Variants in ANKS1B observed in about 807,000 individuals in gnomAD.
ANKS1B encodes the protein ankyrin repeat and sterile alpha motif domain containing 1B.
In ANKS1B, 36 loss-of-function variants were observed where a neutral mutation model predicts 148.3. The observed-to-expected ratio is 0.24, with a 90% confidence interval of 0.19 to 0.32. ANKS1B has a LOEUF of 0.32. Ranked by LOEUF, ANKS1B falls within the 10% of genes least tolerant of loss-of-function variation. ANKS1B has a pLI of 1.00. For synonymous variants in ANKS1B, 542 were observed against 560.8 expected (o/e 0.97, Z 0.47); for missense variants, 1,157 against 1,542.6 (o/e 0.75, Z 4.19).
chr12:99,441,139 C>T (rs565107284), intron 11 of ANKS1B, among the ~76,000 whole-genome samples: 88 of 152,000 alleles, frequency 5.8e-4, no homozygotes, highest in African/African-American at 2.0e-3. Context: ...TAACTCCACA[C>T]TTTCTGCATT....
chr12:98,996,521 T>A (rs2153339062), intron 17 of ANKS1B, among the ~76,000 whole-genome samples: 1 of 152,056 alleles, frequency 6.6e-6, no homozygotes, highest in South Asian at 2.1e-4. Flanking sequence ...AAAGAAGGTA[T>A]TAAGAATTAC....
chr12:98,997,835 T>C (rs2099930632), intron 17 of ANKS1B, among the ~76,000 whole-genome samples: 1 of 152,234 alleles, frequency 6.6e-6, no homozygotes, highest in Non-Finnish European at 1.5e-5. Context: ...TCAATGTATG[T>C]AAATAATTAT....
intron 1 of ANKS1B, among the ~76,000 whole-genome samples, chr12:99,854,124 G>C (rs1389889934): frequency 6.6e-6 from 1 of 152,180 alleles, no homozygotes; most frequent in African/African-American, 2.4e-5. Flanking sequence ...CCATTCTCCT[G>C]CCTCAGCCTC....
chr12:99,680,335 G>A (rs1200564160), intron 8 of ANKS1B, among the ~76,000 whole-genome samples: 1 of 152,188 alleles, frequency 6.6e-6, no homozygotes, highest in Non-Finnish European at 1.5e-5. Flanking sequence ...CAGCTGGCTG[G>A]GAGGCTGAGG....
At chr12:99,265,850 C>T (rs2076395724) in intron 12 of ANKS1B, among the ~76,000 whole-genome samples, 1 of 152,118 alleles carries the variant, frequency 6.6e-6, no homozygotes, top group African/African-American at 2.4e-5. Flanking sequence ...CCAGTTACTA[C>T]CATGGAGAGT....
chr12:99,226,493 G>C lies in ANKS1B; in HGVS notation c.2419+17849C>G, dbSNP rs116166990. On this transcript the variant is annotated intron_variant, in intron 14 of 26. Coordinates refer to ENST00000683438, the MANE Select transcript of ANKS1B (RefSeq NM_001352186.2). ...AGAATTATATCAGAAGTTGACACAA[G>C]AATCAATGTGTATATTGTCTAGGGT... 4.0e-3 allele frequency among the ~76,000 whole-genome samples: 614 copies of C among 152,218 alleles called. 7 individuals are homozygous for C. Among genetic ancestry groups the C allele is most frequent in the African/African-American group, 0.014 (585 of 41,534 alleles).
chr12:99,773,207 A>T lies in ANKS1B; in HGVS notation c.962-119T>A. 7.8e-6 allele frequency: 6 copies of T among 771,194 alleles called. No individual in the cohort carries two copies. The South Asian group carries it at 1.3e-4, about 16-fold the overall frequency. 47.8% of individuals were successfully genotyped at this position (771,194 alleles called of 1,614,324 possible). ...CAAAATATAACAAGATTAAGCAGTCAGACACTATTCTGCTGAAAACAAGGT... is the reference window on the plus strand; with the variant it reads ...CAAAATATAACAAGATTAAGCAGTCTGACACTATTCTGCTGAAAACAAGGT... On this transcript the variant is annotated intron_variant, in intron 7 of 26. Transcript: ENST00000683438.
chr12:99,485,028 A>G (rs2096469394), intron 10 of ANKS1B, among the ~76,000 whole-genome samples: 1 of 151,740 alleles, frequency 6.6e-6, no homozygotes, highest in Non-Finnish European at 1.5e-5. Flanking sequence ...ATTCAACGTT[A>G]ATATTGAGAT....
chr12:99,033,772 T>C (rs1490252753), intron 17 of ANKS1B, among the ~76,000 whole-genome samples: 1 of 152,158 alleles, frequency 6.6e-6, no homozygotes, highest in Non-Finnish European at 1.5e-5. Context: ...AAAATAAGAC[T>C]CCTATGGTTG....
At chr12:99,648,657 C>T in intron 9 of ANKS1B, 1 of 1,614,164 alleles carries the variant, frequency 6.2e-7, no homozygotes. Flanking sequence ...CAAGTGAAGA[C>T]CTTTTTGTTC....
At chr12:99,387,631 G>A (rs145853658) in intron 12 of ANKS1B, among the ~76,000 whole-genome samples, 216 of 151,876 alleles carry the variant, frequency 1.4e-3, no homozygotes, top group African/African-American at 5.0e-3. Flanking sequence ...GAAGCCCAAG[G>A]GAGCTCCTTT....
intron 14 of ANKS1B, among the ~76,000 whole-genome samples, chr12:99,172,093 A>T (rs2077832966): frequency 6.6e-6 from 1 of 152,160 alleles, no homozygotes. Context: ...TTTTGAGGCA[A>T]AAAGAAGGAA....
chr12:99,594,706 C>A (rs755194839), intron 9 of ANKS1B, among the ~76,000 whole-genome samples: 9 of 151,810 alleles, frequency 5.9e-5, no homozygotes, highest in African/African-American at 1.5e-4. Context: ...GTGGTTGGTA[C>A]GGGCTGGGGA....
chr12:99,354,841 T>C (rs1271775115), intron 12 of ANKS1B, among the ~76,000 whole-genome samples: 3 of 152,144 alleles, frequency 2.0e-5, no homozygotes, highest in South Asian at 2.1e-4. Flanking sequence ...GAGATAAGTA[T>C]ATGACTCAAA....
At chr12:99,514,700 C>T (rs565349432) in intron 9 of ANKS1B, among the ~76,000 whole-genome samples, 13 of 152,082 alleles carry the variant, frequency 8.5e-5, no homozygotes, top group African/African-American at 2.9e-4. Context: ...TGACTATGAC[C>T]AGATATTTAT....
At chr12:98,867,717 T>C (rs201384) in intron 17 of ANKS1B, among the ~76,000 whole-genome samples, 118,739 of 151,746 alleles carry the variant, frequency 0.78, 47,483 homozygotes, top group East Asian at 1. Context: ...AGAAAATTAG[T>C]GGGGTGTGGT....
chr12:99,461,223 C>T (rs2095960958), intron 10 of ANKS1B, among the ~76,000 whole-genome samples: 1 of 152,010 alleles, frequency 6.6e-6, no homozygotes, highest in African/African-American at 2.4e-5. Flanking sequence ...GGGAGCTATG[C>T]TATGAGGATG....
At chr12:99,103,076 G>A (rs1163343535) in intron 15 of ANKS1B, among the ~76,000 whole-genome samples, 1 of 152,068 alleles carries the variant, frequency 6.6e-6, no homozygotes, top group African/African-American at 2.4e-5. Flanking sequence ...AAGGAAAACT[G>A]CTGGAGGTAG....
chr12:99,671,898 G>T (rs753871897), intron 8 of ANKS1B, among the ~76,000 whole-genome samples: 3 of 151,972 alleles, frequency 2.0e-5, no homozygotes, highest in Non-Finnish European at 4.4e-5. Flanking sequence ...GCTAGCCAAA[G>T]AAAATAAAAC....
Sources: allele counts gnomAD v4.1 joint callset (sites outside exome capture counted in the v4.1 genomes callset), GRCh38; gene constraint gnomAD v4.1.1; transcripts MANE v1.5; gene names NCBI Gene and HGNC (gene_info 2026-07-23, HGNC 2026-07-21).